The following CELF2 variants were observed in gnomAD, a reference collection of about 807,000 sequenced individuals.
The protein encoded by CELF2 is CUGBP Elav-like family member 2, also known as CUG triplet repeat RNA-binding protein 2.
A neutral mutation model predicts 62.6 loss-of-function variants in CELF2; 8 were observed. The observed-to-expected ratio is 0.13, with a 90% CI of 0.07 to 0.23. The LOEUF is 0.23. CELF2 is among the 10% of genes least tolerant of loss of function. The pLI is 1.00. For missense variants in CELF2, 333 were observed against 671.0 expected (o/e 0.50, Z 5.56); for synonymous variants, 258 against 250.0 (o/e 1.03, Z -0.30).
At chr10:10,701,901 A>G in the CELF2 span, among the ~76,000 whole-genome samples, 1 of 152,212 alleles carries the variant, frequency 6.6e-6, no homozygotes, top group African/African-American at 2.4e-5. Context: ...GTACAAATGA[A>G]TTAGATTTAG....
At chr10:10,910,351 T>C (rs2063700954) in intron 1 of CELF2, among the ~76,000 whole-genome samples, 1 of 152,074 alleles carries the variant, frequency 6.6e-6, no homozygotes, top group South Asian at 2.1e-4. Context: ...TTGAAAAAAA[T>C]ACACTTCTGT....
At chr10:10,508,352 A>C in the CELF2 span, among the ~76,000 whole-genome samples, 1 of 152,198 alleles carries the variant, frequency 6.6e-6, no homozygotes, top group South Asian at 2.1e-4. Flanking sequence ...AAAGTGACAG[A>C]CCTAATAAGC....
chr10:11,082,667 A>T (rs1480230650), intron 1 of CELF2, among the ~76,000 whole-genome samples: 1 of 152,218 alleles, frequency 6.6e-6, no homozygotes, highest in Admixed American at 6.5e-5. Context: ...CAGATTACAG[A>T]TCTCTGGAGT....
chr10:10,517,569 G>C, the CELF2 span, among the ~76,000 whole-genome samples: 8 of 152,166 alleles, frequency 5.3e-5, no homozygotes, highest in Non-Finnish European at 8.8e-5. Flanking sequence ...TTCTACATCT[G>C]AAGCCTGGAT....
At chr10:10,922,633 G>C (rs556087336) in intron 2 of CELF2, 1 of 152,306 alleles carries the variant, frequency 6.6e-6, no homozygotes, top group East Asian at 1.9e-4. Context: ...TCAAGGGAGA[G>C]GCTGCTCTCT....
intron 9 of CELF2, among the ~76,000 whole-genome samples, chr10:11,301,715 TG>T: frequency 6.6e-6 from 1 of 150,694 alleles, no homozygotes; most frequent in Admixed American, 6.6e-5. Flanking sequence ...CCTGGCCCGG[TG>T]GCACCACGGC....
the CELF2 span, among the ~76,000 whole-genome samples, chr10:10,770,217 A>G: frequency 1.3e-5 from 2 of 152,126 alleles, no homozygotes; most frequent in South Asian, 2.1e-4. Flanking sequence ...AGTTTTGGAT[A>G]TGTTAATATT....
At chr10:10,618,750 C>T in the CELF2 span, among the ~76,000 whole-genome samples, 564 of 152,084 alleles carry the variant, frequency 3.7e-3, 4 homozygotes, top group African/African-American at 0.013. Flanking sequence ...CACAGACACA[C>T]GCAAGGAGTG....
At chr10:10,660,660 C>T in the CELF2 span, among the ~76,000 whole-genome samples, 1 of 152,184 alleles carries the variant, frequency 6.6e-6, no homozygotes, top group East Asian at 1.9e-4. Flanking sequence ...TATTCCCTAG[C>T]CTCTAATTCA....
chr10:10,711,603 C>T, the CELF2 span, among the ~76,000 whole-genome samples: 2 of 152,122 alleles, frequency 1.3e-5, no homozygotes, highest in Non-Finnish European at 2.9e-5. Flanking sequence ...GGCAGGGGTG[C>T]AGGCACGGTG....
At chr10:11,037,494 G>C (rs2061148445) in intron 1 of CELF2, among the ~76,000 whole-genome samples, 1 of 152,178 alleles carries the variant, frequency 6.6e-6, no homozygotes, top group South Asian at 2.1e-4. Flanking sequence ...GTTTCCTGGT[G>C]AGCTGTTCCT....
the CELF2 span, among the ~76,000 whole-genome samples, chr10:10,789,801 T>C: frequency 2.6e-5 from 4 of 152,186 alleles, no homozygotes; most frequent in African/African-American, 9.6e-5. Flanking sequence ...CTATCTATTA[T>C]TGTATCCACA....
chr10:11,179,307 C>T (rs1397613464), intron 2 of CELF2, among the ~76,000 whole-genome samples: 1 of 151,990 alleles, frequency 6.6e-6, no homozygotes, highest in Non-Finnish European at 1.5e-5. Flanking sequence ...AAGCTCCACG[C>T]ACACTTTGAA....
intron 8 of CELF2, among the ~76,000 whole-genome samples, chr10:11,275,900 C>T (rs532862583): frequency 2.0e-5 from 3 of 152,160 alleles, no homozygotes; most frequent in South Asian, 2.1e-4. Context: ...ATTAACCTGC[C>T]GTGAGGAACG....
chr10:10,617,477 A>T, the CELF2 span, among the ~76,000 whole-genome samples: 4 of 152,250 alleles, frequency 2.6e-5, no homozygotes, highest in Admixed American at 2.6e-4. Context: ...CTTTGAAAGG[A>T]TCCTTCAAGC....
chr10:10,523,720 A>G, the CELF2 span, among the ~76,000 whole-genome samples: 4 of 152,346 alleles, frequency 2.6e-5, no homozygotes, highest in South Asian at 8.3e-4. Context: ...TAGGGATGCA[A>G]CAATAAAAAC....
At chr10:11,250,021 G>A (rs1323114524) in intron 4 of CELF2, among the ~76,000 whole-genome samples, 2 of 152,172 alleles carry the variant, frequency 1.3e-5, no homozygotes, top group Admixed American at 1.3e-4. Context: ...AGTAATCAGG[G>A]CAGAAGCCAT....
At chr10:10,737,262 A>G in the CELF2 span, among the ~76,000 whole-genome samples, 4 of 152,132 alleles carry the variant, frequency 2.6e-5, no homozygotes, top group African/African-American at 9.7e-5. Context: ...ATTTTTGAAA[A>G]GCTATGAAGA....
intron 2 of CELF2, among the ~76,000 whole-genome samples, chr10:11,209,105 C>T (rs1384888584): frequency 1.3e-5 from 2 of 152,108 alleles, no homozygotes; most frequent in African/African-American, 4.8e-5. Flanking sequence ...TTTTCATGCC[C>T]CTGGTTCCTG....
Sources: allele counts gnomAD v4.1 joint callset (sites outside exome capture counted in the v4.1 genomes callset), GRCh38; gene constraint gnomAD v4.1.1; transcripts MANE v1.5; gene names NCBI Gene and HGNC (gene_info 2026-07-23, HGNC 2026-07-21).